The following TASP1 variants were observed in gnomAD, a reference collection of about 807,000 sequenced individuals.
TASP1 encodes the protein threonine aspartase 1.
Under a neutral mutation model 56.6 loss-of-function variants are expected in TASP1, and 16 were observed. The observed-to-expected ratio is 0.28, with a 90% CI of 0.19 to 0.43. TASP1 has a LOEUF of 0.43. Among genes scored for constraint, TASP1 ranks in the 20% least tolerant of loss-of-function variants. The probability of loss-of-function intolerance (pLI) is 1.00; values close to 1 mark genes in which losing one functional copy is unlikely to be tolerated. For synonymous variants in TASP1, 179 were observed against 184.2 expected, an observed-to-expected ratio of 0.97 and a Z score of 0.23; for missense variants, 393 against 511.6, an observed-to-expected ratio of 0.77 and a Z score of 2.24.
the TASP1 span, among the ~76,000 whole-genome samples, chr20:13,214,763 T>G: frequency 0.47 from 71,014 of 151,972 alleles, 18,048 homozygotes; most frequent in African/African-American, 0.68. Flanking sequence ...GAGACAATGG[T>G]GAGAAAACTG....
intron 12 of TASP1, among the ~76,000 whole-genome samples, chr20:13,431,585 G>A (rs1214756138): frequency 6.6e-6 from 1 of 152,176 alleles, no homozygotes; most frequent in Non-Finnish European, 1.5e-5. Context: ...CAATGGTATT[G>A]TTGACAGAGG....
chr20:13,339,345 C>G, the TASP1 span, among the ~76,000 whole-genome samples: 3,835 of 152,226 alleles, frequency 0.025, 153 homozygotes, highest in African/African-American at 0.082. Context: ...ACATTTTTAC[C>G]CTCTGCCTGA....
the TASP1 span, among the ~76,000 whole-genome samples, chr20:13,345,594 G>C: frequency 6.6e-6 from 1 of 152,208 alleles, no homozygotes; most frequent in Non-Finnish European, 1.5e-5. Context: ...CTGGGGGAGG[G>C]AGGGAGGTCT....
intron 11 of TASP1, among the ~76,000 whole-genome samples, chr20:13,480,512 GA>G (rs2043101395): frequency 6.6e-6 from 1 of 152,122 alleles, no homozygotes; most frequent in South Asian, 2.1e-4. Context: ...TCCTTTCCAC[GA>G]GTCTGGAATT....
the TASP1 span, among the ~76,000 whole-genome samples, chr20:13,216,765 T>C: frequency 3.3e-5 from 5 of 152,254 alleles, 1 homozygote; most frequent in African/African-American, 7.2e-5. Flanking sequence ...AGGGGTCAGG[T>C]AGGGACTCTG....
intron 8 of TASP1, among the ~76,000 whole-genome samples, chr20:13,540,467 T>G (rs1219944488): frequency 6.6e-6 from 1 of 152,126 alleles, no homozygotes; most frequent in Admixed American, 6.5e-5. Flanking sequence ...TTATTTGCAA[T>G]AGCCAAAACC....
At chr20:13,327,380 C>T in the TASP1 span, among the ~76,000 whole-genome samples, 2 of 152,092 alleles carry the variant, frequency 1.3e-5, no homozygotes, top group South Asian at 4.1e-4. Context: ...GGCCATACTG[C>T]CCAAAGTAAT....
At chr20:13,327,382 C>T in the TASP1 span, among the ~76,000 whole-genome samples, 44 of 151,902 alleles carry the variant, frequency 2.9e-4, no homozygotes, top group Non-Finnish European at 2.9e-5. Context: ...CCATACTGCC[C>T]AAAGTAATTT....
the TASP1 span, among the ~76,000 whole-genome samples, chr20:13,297,242 C>T: frequency 1.3e-5 from 2 of 152,102 alleles, no homozygotes; most frequent in African/African-American, 4.8e-5. Flanking sequence ...CTAACCTTCA[C>T]TGTTTTCCAG....
the TASP1 span, among the ~76,000 whole-genome samples, chr20:13,175,019 T>G: frequency 2.0e-3 from 298 of 152,304 alleles, no homozygotes; most frequent in Non-Finnish European, 3.4e-3. Flanking sequence ...GACTTTGCTC[T>G]TCATTCGCTT....
chr20:13,504,957 A>T (rs963382538), intron 10 of TASP1, among the ~76,000 whole-genome samples: 13 of 152,122 alleles, frequency 8.5e-5, no homozygotes, highest in African/African-American at 3.1e-4. Flanking sequence ...CAATAATTAC[A>T]TTGAATGTAA....
At chr20:13,581,846 T>A (rs888475149) in intron 5 of TASP1, among the ~76,000 whole-genome samples, 2 of 152,156 alleles carry the variant, frequency 1.3e-5, no homozygotes, top group Non-Finnish European at 2.9e-5. Flanking sequence ...CACTTATTAA[T>A]CCTATCTGAT....
intron 13 of TASP1, among the ~76,000 whole-genome samples, chr20:13,392,061 T>TA (rs891626455): frequency 6.6e-6 from 1 of 151,782 alleles, no homozygotes; most frequent in African/African-American, 2.4e-5. Flanking sequence ...GATGTCAGCA[T>TA]AAAAAATGCA....
At chr20:13,280,401 C>A in the TASP1 span, among the ~76,000 whole-genome samples, 29 of 146,868 alleles carry the variant, frequency 2.0e-4, no homozygotes, top group African/African-American at 4.7e-4. Context: ...ACCCCCCCCC[C>A]CCAATACATT....
the TASP1 span, among the ~76,000 whole-genome samples, chr20:13,180,372 C>T: frequency 6.6e-6 from 1 of 152,164 alleles, no homozygotes; most frequent in Non-Finnish European, 1.5e-5. Flanking sequence ...AGTTGCGGCA[C>T]AAAAGCCATG....
At chr20:13,261,381 G>C in the TASP1 span, among the ~76,000 whole-genome samples, 1 of 151,040 alleles carries the variant, frequency 6.6e-6, no homozygotes, top group Non-Finnish European at 1.5e-5. Context: ...TCGCGCCATT[G>C]CCCTTCAGCC....
At chr20:13,462,683 A>C (rs987714957) in intron 11 of TASP1, among the ~76,000 whole-genome samples, 1 of 152,164 alleles carries the variant, frequency 6.6e-6, no homozygotes, top group African/African-American at 2.4e-5. Context: ...AATGGAAATT[A>C]ATGCATGCTT....
chr20:13,352,195 A>G, the TASP1 span, among the ~76,000 whole-genome samples: 2 of 152,204 alleles, frequency 1.3e-5, no homozygotes, highest in Non-Finnish European at 1.5e-5. Context: ...CAAGCCTGTA[A>G]TCTCAGCACT....
intron 4 of TASP1, among the ~76,000 whole-genome samples, chr20:13,620,160 A>G (rs1441276357): frequency 2.0e-5 from 3 of 152,098 alleles, no homozygotes; most frequent in African/African-American, 7.2e-5. Context: ...GTGGTGGTAA[A>G]GAAAAATAAA....
Sources: gnomAD v4.1 joint callset for allele counts (sites outside exome capture counted in the v4.1 genomes callset) on GRCh38, gnomAD v4.1.1 for gene constraint, MANE v1.5 for transcripts, NCBI Gene and HGNC (gene_info 2026-07-23, HGNC 2026-07-21) for gene names.